RBFOX1: variants seen among roughly 807,000 people sequenced by gnomAD.
RBFOX1 encodes RNA binding fox-1 homolog 1.
Under a neutral mutation model 57.7 loss-of-function variants are expected in RBFOX1, and 8 were observed. The observed-to-expected ratio is 0.14, with a 90% CI of 0.08 to 0.25. The LOEUF (loss-of-function observed/expected upper bound fraction) is 0.25. RBFOX1 is among the 10% of genes least tolerant of loss of function. The pLI is 1.00. For synonymous variants in RBFOX1, 326 were observed against 222.4 expected, an observed-to-expected ratio of 1.47 and a Z score of -4.15; for missense variants, 611 against 548.5, an observed-to-expected ratio of 1.11 and a Z score of -1.14.
chr16:7,027,764 C>G (rs1042288959), intron 3 of RBFOX1, among the ~76,000 whole-genome samples: 3 of 147,708 alleles, frequency 2.0e-5, no homozygotes, highest in African/African-American at 7.8e-5. Flanking sequence ...TTGTAACATA[C>G]AGCTTGCATT....
At position 6,570,180 on chromosome 16, in the gene RBFOX1, A is replaced by G. The variant is rs140516766; in HGVS notation, c.-63-84423A>G. 3.6e-3 allele frequency among the ~76,000 whole-genome samples: 547 copies of G among 152,322 alleles called. 6 individuals are homozygous for G. Among genetic ancestry groups the G allele is most frequent in the African/African-American group, 0.013 (531 of 41,578 alleles). ...TATATTAGGAAACTTCAAGTGTTCT[A>G]CAAGGACACGATTTCATTGACCATG... is the stretch of plus-strand genomic sequence containing the variant. On this transcript the variant is annotated intron_variant, in intron 2 of 15. Coordinates refer to ENST00000550418, the MANE Select transcript of RBFOX1 (RefSeq NM_018723.4).
At chr16:5,828,093 C>A (rs1040857968) in intron 3 of RBFOX1, among the ~76,000 whole-genome samples, 1 of 151,960 alleles carries the variant, frequency 6.6e-6, no homozygotes, top group African/African-American at 2.4e-5. Flanking sequence ...AGCCAGCCTG[C>A]CTTCTGTCTA....
rs4038155 is a variant in RBFOX1, at chr16:6,122,802, A to ATGTGTGTGTG, written c.-127+102830_-127+102839dup. Among the ~76,000 whole-genome samples the ATGTGTGTGTG allele has an allele frequency of 6.8e-3, 1,012 of 147,826 alleles. 10 individuals carry two copies. Among genetic ancestry groups the ATGTGTGTGTG allele is most frequent in the Middle Eastern group, 0.014 (4 of 292 alleles). ...ATGATCTGTGTGGCTATGTGTGTGTATGTGTGTGTGTGTGTGTGTGTGTGT... is the reference window on the plus strand; with the variant it reads ...ATGATCTGTGTGGCTATGTGTGTGTATGTGTGTGTGTGTGTGTGTGTGTGTGTGTGTGTGT... On this transcript the variant is annotated intron_variant, in intron 1 of 15. Transcript: ENST00000550418.
At chr16:5,654,055 A>G (rs1454152079) in intron 3 of RBFOX1, among the ~76,000 whole-genome samples, 1 of 152,152 alleles carries the variant, frequency 6.6e-6, no homozygotes, top group Admixed American at 6.5e-5. Context: ...CAAGAGTTCC[A>G]TCCCTGCCTG....
intron 2 of RBFOX1, among the ~76,000 whole-genome samples, chr16:6,616,716 T>TGAGCCACCATGCC (rs2098146480): frequency 6.6e-6 from 1 of 152,196 alleles, no homozygotes; most frequent in Admixed American, 6.5e-5. Flanking sequence ...ATTGCAGGCA[T>TGAGCCACCATGCC]GAGCCACCAT....
Position 6,477,529 on chromosome 16 carries a change from A to C in RBFOX1, c.-64+160472A>C, listed in dbSNP as rs8063844. On this transcript the variant is annotated intron_variant, in intron 2 of 15. Coordinates refer to ENST00000550418, the MANE Select transcript of RBFOX1 (RefSeq NM_018723.4). ...TGTTAATAGTGGGCTTAAAATATTC[A>C]GCAAACCATGCTATAAACAGATGTC... Among the ~76,000 whole-genome samples the C allele has an allele frequency of 1.0e-3, 152 of 152,342 alleles. 1 individual carries two copies. The highest frequency in any genetic ancestry group is 3.4e-3 in the African/African-American group (140 of 41,566).
At chr16:6,722,116 C>T (rs1469846969) in intron 3 of RBFOX1, among the ~76,000 whole-genome samples, 2 of 152,204 alleles carry the variant, frequency 1.3e-5, no homozygotes, top group Admixed American at 1.3e-4. Flanking sequence ...AGCGCGGTTG[C>T]ACAGATATCT....
intron 11 of RBFOX1, among the ~76,000 whole-genome samples, chr16:7,648,320 G>A (rs1184711557): frequency 6.6e-6 from 1 of 152,074 alleles, no homozygotes; most frequent in East Asian, 1.9e-4. Flanking sequence ...CCTCTCCTGG[G>A]TTCAAGCGAT....
intron 4 of RBFOX1, among the ~76,000 whole-genome samples, chr16:7,211,284 C>T (rs12596782): frequency 0.19 from 28,966 of 148,718 alleles, 3,031 homozygotes; most frequent in East Asian, 0.37. Flanking sequence ...CCCAGCTTCT[C>T]GGGAGGCTGA....
At chr16:7,272,276 C>A (rs915014317) in intron 4 of RBFOX1, among the ~76,000 whole-genome samples, 2 of 152,106 alleles carry the variant, frequency 1.3e-5, no homozygotes, top group Non-Finnish European at 2.9e-5. Context: ...CCTCCACCTC[C>A]CTGGTTCAAG....
chr16:6,501,516 C>G (rs1369323172), intron 2 of RBFOX1, among the ~76,000 whole-genome samples: 1 of 152,072 alleles, frequency 6.6e-6, no homozygotes, highest in Non-Finnish European at 1.5e-5. Context: ...ATATGTGCCA[C>G]ATTTTCTTAA....
At chr16:6,569,279 T>TAGCCTCTCAAAACAAAAAAACAAA (rs2097311053) in intron 2 of RBFOX1, among the ~76,000 whole-genome samples, 4 of 152,270 alleles carry the variant, frequency 2.6e-5, no homozygotes, top group African/African-American at 9.6e-5. Flanking sequence ...AACAAACATT[T>TAGCCTCTCAAAACAAAAAAACAAA]CTTTTTGTTG....
At chr16:5,407,730 G>A (rs527729554) in intron 1 of RBFOX1, among the ~76,000 whole-genome samples, 2 of 152,290 alleles carry the variant, frequency 1.3e-5, no homozygotes, top group South Asian at 4.1e-4. Flanking sequence ...TGTGTTTTCA[G>A]TAGAGATGGG....
chr16:5,617,448 T>C (rs1596473396), intron 3 of RBFOX1, among the ~76,000 whole-genome samples: 1 of 152,208 alleles, frequency 6.6e-6, no homozygotes, highest in East Asian at 1.9e-4. Flanking sequence ...CAGAAGCTGT[T>C]TCTGTCTGCC....
intron 1 of RBFOX1, among the ~76,000 whole-genome samples, chr16:5,255,326 A>ATCCC (rs2062558584): frequency 1.8e-5 from 2 of 110,786 alleles, no homozygotes; most frequent in South Asian, 5.8e-4. Context: ...ACTTCCTTCC[A>ATCCC]TCCATCCATC....
chr16:6,135,913 G>A (rs1213420314), intron 1 of RBFOX1, among the ~76,000 whole-genome samples: 1 of 147,642 alleles, frequency 6.8e-6, no homozygotes, highest in Non-Finnish European at 1.5e-5. Context: ...TCCTGCCTCA[G>A]CCTCCCCAGT....
chr16:6,957,182 A>G (rs145117127), intron 3 of RBFOX1, among the ~76,000 whole-genome samples: 22,563 of 148,196 alleles, frequency 0.15, 1,999 homozygotes, highest in South Asian at 0.22. Flanking sequence ...CCCAGGCTGC[A>G]GTGCAGTGGT....
chr16:5,458,908 T>C (rs2068709949), intron 1 of RBFOX1, among the ~76,000 whole-genome samples: 2 of 152,198 alleles, frequency 1.3e-5, no homozygotes, highest in Non-Finnish European at 2.9e-5. Flanking sequence ...ATGGATCTCA[T>C]AGTCTTGTGG....
intron 4 of RBFOX1, among the ~76,000 whole-genome samples, chr16:7,398,246 G>A (rs2098175384): frequency 6.6e-6 from 1 of 152,178 alleles, no homozygotes; most frequent in Non-Finnish European, 1.5e-5. Flanking sequence ...ACAGTGGCAG[G>A]AGCATAGGGT....
Sources: gnomAD v4.1 joint callset for allele counts (sites outside exome capture counted in the v4.1 genomes callset) on GRCh38, gnomAD v4.1.1 for gene constraint, MANE v1.5 for transcripts, NCBI Gene and HGNC (gene_info 2026-07-23, HGNC 2026-07-21) for gene names.